FCHO2: variants seen among roughly 807,000 people sequenced by gnomAD.
The protein encoded by FCHO2 is FCH and mu domain containing endocytic adaptor 2, also known as F-BAR domain only protein 2.
FCHO2 carries 43 observed loss-of-function variants against 114.1 expected under a neutral mutation model. That is an observed-to-expected ratio of 0.38 (90% CI 0.30 to 0.49). The LOEUF is 0.49. FCHO2 is among the 20% of genes least tolerant of loss of function. FCHO2 has a pLI of 0.97. For synonymous variants in FCHO2, 293 were observed against 315.2 expected (o/e 0.93, Z 0.75); for missense variants, 807 against 950.4 (o/e 0.85, Z 1.98).
chr5:73,045,275 C>T (rs958379780), intron 11 of FCHO2, among the ~76,000 whole-genome samples: 1 of 152,202 alleles, frequency 6.6e-6, no homozygotes, highest in African/African-American at 2.4e-5. Flanking sequence ...CCTTCCTTAA[C>T]TTCTGGCAAC....
At chr5:73,019,315 G>A (rs1755480968) in intron 8 of FCHO2, among the ~76,000 whole-genome samples, 1 of 152,190 alleles carries the variant, frequency 6.6e-6, no homozygotes, top group Non-Finnish European at 1.5e-5. Context: ...GGACGCTGAG[G>A]CAGGAGGATC....
At chr5:73,034,818 A>G (rs1457514747) in intron 9 of FCHO2, 117 bp downstream of exon 9, 19 of 733,084 alleles carry the variant, frequency 2.6e-5, no homozygotes, top group Non-Finnish European at 3.7e-5. Context: ...ATGGAATGGA[A>G]TGCTGTAAAA....
chr5:73,083,773 T>C (rs1743200979), intron 24 of FCHO2, among the ~76,000 whole-genome samples: 1 of 151,968 alleles, frequency 6.6e-6, no homozygotes, highest in South Asian at 2.1e-4. Flanking sequence ...ACGCCTGTAA[T>C]TCCAGCTATT....
intron 16 of FCHO2, among the ~76,000 whole-genome samples, chr5:73,056,561 T>A (rs569923138): frequency 6.6e-6 from 1 of 152,308 alleles, no homozygotes; most frequent in East Asian, 1.9e-4. Context: ...TTTTCTGAGC[T>A]GTCAAATGCA....
At position 73,051,440 on chromosome 5, in the gene FCHO2, A is replaced by G. The variant is rs551594038; in HGVS notation, c.997+34A>G. On this transcript the variant is annotated intron_variant, in intron 12 of 25. Transcript: ENST00000430046. ...TCATCATCTAGTATTCTTAAGGATTATGTTGGCATATAAGTAGGCAGTTAT... is the reference window on the plus strand; with the variant it reads ...TCATCATCTAGTATTCTTAAGGATTGTGTTGGCATATAAGTAGGCAGTTAT... 24 of 1,381,526 alleles carry G rather than the reference A, an allele frequency of 1.7e-5. No individual in the cohort carries two copies. The East Asian group carries it at 3.8e-4, about 22-fold the overall frequency. The allele number at this position is 1,381,526 out of a possible 1,614,324, so 85.6% of individuals were successfully genotyped here.
intron 5 of FCHO2, among the ~76,000 whole-genome samples, chr5:73,001,179 T>C (rs1754412997): frequency 6.6e-6 from 1 of 151,954 alleles, no homozygotes; most frequent in Non-Finnish European, 1.5e-5. Flanking sequence ...GAGGGATAAC[T>C]TGAGGCTGGG....
intron 10 of FCHO2, among the ~76,000 whole-genome samples, chr5:73,040,252 A>C (rs147126967): frequency 1.1e-3 from 169 of 152,316 alleles, no homozygotes; most frequent in African/African-American, 3.8e-3. Flanking sequence ...AAATATTTGC[A>C]GAATACATCC....
At chr5:73,053,453 T>C (rs1757427103) in intron 13 of FCHO2, among the ~76,000 whole-genome samples, 1 of 152,144 alleles carries the variant, frequency 6.6e-6, no homozygotes, top group Non-Finnish European at 1.5e-5. Context: ...CCCAGCACTT[T>C]GGGAGGCCGA....
chr5:72,961,610 T>A (rs78586650), intron 1 of FCHO2, among the ~76,000 whole-genome samples: 1 of 152,110 alleles, frequency 6.6e-6, no homozygotes, highest in South Asian at 2.1e-4. Context: ...TTTTTTTTTT[T>A]TGAGACGGAG....
chr5:72,994,509 G>A (rs763841657), intron 5 of FCHO2, among the ~76,000 whole-genome samples: 5 of 152,152 alleles, frequency 3.3e-5, no homozygotes, highest in Non-Finnish European at 5.9e-5. Flanking sequence ...TGGAGAAAAG[G>A]GAATGCTTAT....
chr5:72,983,370 A>AT (rs1432867506), intron 2 of FCHO2, among the ~76,000 whole-genome samples: 1 of 150,946 alleles, frequency 6.6e-6, no homozygotes, highest in South Asian at 2.1e-4. Context: ...CCCTAGCTTT[A>AT]TTTTTTTATT....
intron 18 of FCHO2, among the ~76,000 whole-genome samples, chr5:73,066,173 A>G (rs534702824): frequency 6.6e-6 from 1 of 152,102 alleles, no homozygotes; most frequent in South Asian, 2.1e-4. Flanking sequence ...CTCATAGTTG[A>G]ATCCTTCACA....
intron 11 of FCHO2, among the ~76,000 whole-genome samples, chr5:73,050,292 T>A (rs2112831977): frequency 7.4e-6 from 1 of 134,670 alleles, no homozygotes; most frequent in African/African-American, 2.7e-5. Context: ...TTTAGCTTTC[T>A]GCTATTTATT....
At chr5:73,083,177 C>T (rs1743181622) in intron 24 of FCHO2, among the ~76,000 whole-genome samples, 1 of 152,078 alleles carries the variant, frequency 6.6e-6, no homozygotes, top group Non-Finnish European at 1.5e-5. Flanking sequence ...AGCCACTGCG[C>T]CTGGCCATGG....
intron 11 of FCHO2, among the ~76,000 whole-genome samples, chr5:73,043,468 T>A (rs1756907959): frequency 6.6e-6 from 1 of 152,044 alleles, no homozygotes. Context: ...TATACACACA[T>A]ATATAAAGTA....
At chr5:73,015,853 T>G (rs1421257851) in intron 7 of FCHO2, 129 bp downstream of exon 7, 3 of 461,958 alleles carry the variant, frequency 6.5e-6, no homozygotes. Flanking sequence ...AAAGAATATG[T>G]AAAGATAATA....
intron 8 of FCHO2, among the ~76,000 whole-genome samples, chr5:73,018,792 C>T (rs1350521640): frequency 6.6e-6 from 1 of 152,156 alleles, no homozygotes; most frequent in Non-Finnish European, 1.5e-5. Flanking sequence ...CCATCCAGCC[C>T]AGCTACTTCC....
At chr5:73,077,908 A>G (rs1742968295) in intron 21 of FCHO2, among the ~76,000 whole-genome samples, 1 of 152,182 alleles carries the variant, frequency 6.6e-6, no homozygotes, top group Non-Finnish European at 1.5e-5. Flanking sequence ...TGAAAACCAT[A>G]CCAAAATTAT....
chr5:73,002,105 A>G (rs1308946501), intron 5 of FCHO2, among the ~76,000 whole-genome samples: 1 of 152,218 alleles, frequency 6.6e-6, no homozygotes, highest in Non-Finnish European at 1.5e-5. Flanking sequence ...ATAGTTTTAT[A>G]GCCAGAAGTA....
Sources: gnomAD v4.1 joint callset for allele counts (sites outside exome capture counted in the v4.1 genomes callset) on GRCh38, gnomAD v4.1.1 for gene constraint, MANE v1.5 for transcripts, NCBI Gene and HGNC (gene_info 2026-07-23, HGNC 2026-07-21) for gene names.